The following CUX2 variants were observed in gnomAD, a reference collection of about 807,000 sequenced individuals.
CUX2 encodes homeobox protein cut-like 2.
Under a neutral mutation model 144.8 loss-of-function variants are expected in CUX2, and 40 were observed. The ratio of observed to expected loss-of-function variants is 0.28; its 90% confidence interval spans 0.21 to 0.36. CUX2 has a LOEUF of 0.36. Among genes scored for constraint, CUX2 ranks in the 10% least tolerant of loss-of-function variants. The probability of loss-of-function intolerance (pLI) is 1.00; values close to 1 mark genes in which losing one functional copy is unlikely to be tolerated. For missense variants in CUX2, 1,615 were observed against 1,994.0 expected (o/e 0.81, Z 3.62); for synonymous variants, 827 against 875.6 (o/e 0.94, Z 0.98).
intron 7 of CUX2, 100 bp from the exon 8 acceptor site, chr12:111,296,373 C>T: frequency 9.8e-7 from 1 of 1,020,482 alleles, no homozygotes; most frequent in Non-Finnish European, 1.5e-6. Flanking sequence ...TCTCATTCTG[C>T]CTGCTGGGCT....
intron 1 of CUX2, among the ~76,000 whole-genome samples, chr12:111,205,731 G>A (rs1880881342): frequency 6.6e-6 from 1 of 152,186 alleles, no homozygotes; most frequent in African/African-American, 2.4e-5. Context: ...AACGGAGGCT[G>A]AGTCACCTAT....
chr12:111,180,807 G>A (rs781460045), intron 1 of CUX2, among the ~76,000 whole-genome samples: 9 of 152,200 alleles, frequency 5.9e-5, no homozygotes, highest in Non-Finnish European at 1.0e-4. Flanking sequence ...TGAGAAGGCC[G>A]GTGGGCGAGG....
At chr12:111,056,433 A>G (rs1870531748) in intron 1 of CUX2, among the ~76,000 whole-genome samples, 1 of 152,198 alleles carries the variant, frequency 6.6e-6, no homozygotes. Flanking sequence ...ACATCTGGCA[A>G]TTGATGCTGG....
chr12:111,243,135 C>A (rs1278818644), intron 3 of CUX2, among the ~76,000 whole-genome samples: 1 of 152,028 alleles, frequency 6.6e-6, no homozygotes, highest in Non-Finnish European at 1.5e-5. Flanking sequence ...TTCTTTTACT[C>A]TTTATTATGG....
intron 1 of CUX2, among the ~76,000 whole-genome samples, chr12:111,193,467 G>T (rs545514917): frequency 6.6e-6 from 1 of 152,304 alleles, no homozygotes; most frequent in Admixed American, 6.5e-5. Flanking sequence ...ATAGCTGTTG[G>T]GGGGGAGAAA....
At chr12:111,075,250 G>A (rs1241389145) in intron 1 of CUX2, among the ~76,000 whole-genome samples, 2 of 152,206 alleles carry the variant, frequency 1.3e-5, no homozygotes, top group South Asian at 2.1e-4. Flanking sequence ...CCCTGTCTGC[G>A]CAGAGCCACC....
intron 4 of CUX2, 98 bp from the exon 5 acceptor site, chr12:111,291,320 C>A: frequency 7.0e-7 from 1 of 1,426,712 alleles, no homozygotes; most frequent in Non-Finnish European, 9.3e-7. Context: ...CGGGGTGACT[C>A]CGATGGCTCC....
rs372177896 is a variant in CUX2 at position 111,092,320 on chromosome 12, CAG to C, written c.63+58081_63+58082del. On this transcript the variant is annotated intron_variant, in intron 1 of 21. Transcript: ENST00000261726. ...TGAGACTTGAAGTCTTGGCTGCAAACAGGGGGCTGTGTGGTCAGGCAGGAGGA... is the reference window on the plus strand; with the variant it reads ...TGAGACTTGAAGTCTTGGCTGCAAACGGGGCTGTGTGGTCAGGCAGGAGGA... 6.0e-4 allele frequency among the ~76,000 whole-genome samples: 91 copies of C among 152,322 alleles called. 1 individual carries two copies. Among genetic ancestry groups the C allele is most frequent in the Admixed American group, 3.6e-3 (55 of 15,302 alleles).
chr12:111,315,793 G>A (rs1012062239), intron 16 of CUX2, among the ~76,000 whole-genome samples: 4 of 152,100 alleles, frequency 2.6e-5, no homozygotes, highest in African/African-American at 9.7e-5. Context: ...GCTGAGGCAG[G>A]AAGATCGCTT....
intron 1 of CUX2, among the ~76,000 whole-genome samples, chr12:111,071,377 C>T (rs1386919344): frequency 2.6e-5 from 4 of 152,160 alleles, no homozygotes; most frequent in Non-Finnish European, 5.9e-5. Context: ...TGATATACGA[C>T]TTGGAGCATC....
At position 111,304,110 on chromosome 12, in the gene CUX2, C is replaced by T. The variant is rs922453572; in HGVS notation, c.754-100C>T. Reference sequence around the variant, plus strand: ...CTAGGAAGGCAGGACCTGAGGCCCTCGGAGGTCTGCCTCCCCAACCCCTGC... The same window carrying T: ...CTAGGAAGGCAGGACCTGAGGCCCTTGGAGGTCTGCCTCCCCAACCCCTGC... On this transcript the variant is annotated intron_variant, in intron 9 of 21. Coordinates refer to ENST00000261726, the MANE Select transcript of CUX2 (RefSeq NM_015267.4). The surrounding 1 kb of genome is among the most constrained non-coding windows in gnomAD (Gnocchi z 4.7). The T allele has an allele frequency of 1.1e-6, 1 of 899,814 alleles. No homozygotes were observed. The highest frequency in any genetic ancestry group is 2.1e-5 in the Admixed American group (1 of 47,792). 55.7% of individuals were successfully genotyped at this position (899,814 alleles called of 1,614,324 possible).
intron 1 of CUX2, among the ~76,000 whole-genome samples, chr12:111,175,761 A>G (rs1878814305): frequency 6.6e-6 from 1 of 152,018 alleles, no homozygotes; most frequent in Non-Finnish European, 1.5e-5. Flanking sequence ...GTTAAAGTGT[A>G]TGTTCAAGAC....
chr12:111,131,489 C>A (rs965750330), intron 1 of CUX2, among the ~76,000 whole-genome samples: 3 of 152,144 alleles, frequency 2.0e-5, no homozygotes, highest in African/African-American at 7.2e-5. Context: ...CCCCCAAAGT[C>A]TTAACTCATT....
At chr12:111,245,064 T>C (rs1883213119) in intron 3 of CUX2, among the ~76,000 whole-genome samples, 1 of 152,166 alleles carries the variant, frequency 6.6e-6, no homozygotes, top group African/African-American at 2.4e-5. Flanking sequence ...GCCCCCCTAC[T>C]CTGAGAAATG....
intron 1 of CUX2, among the ~76,000 whole-genome samples, chr12:111,062,525 C>T (rs916168819): frequency 6.6e-6 from 1 of 152,192 alleles, no homozygotes; most frequent in Non-Finnish European, 1.5e-5. Flanking sequence ...AAGTATTTAT[C>T]TCAGCACCTA....
chr12:111,293,501 C>T lies in CUX2; in HGVS notation c.492C>T (p.Leu164=). ...AGPTLTEGSR[L]PGIPGKALLT... ...CCACGCTGACCGAGGGAAGCCGCCT[C>T]CCAGGCATTCCCGGGAAAGCCCTCC... The change falls in exon 6 of 22, where the codon CTC becomes CTT. Residue 164 remains leucine (L), a synonymous_variant. Transcript: ENST00000261726. The surrounding 1 kb of genome is among the most constrained non-coding windows in gnomAD (Gnocchi z 4.5). 1 of 1,606,838 alleles carries T rather than the reference C, an allele frequency of 6.2e-7. No individual in the cohort carries two copies. Among genetic ancestry groups the T allele is most frequent in the East Asian group, 2.2e-5 (1 of 44,694 alleles).
At chr12:111,148,832 A>T (rs1046848899) in intron 1 of CUX2, among the ~76,000 whole-genome samples, 1 of 152,206 alleles carries the variant, frequency 6.6e-6, no homozygotes, top group East Asian at 1.9e-4. Flanking sequence ...CCCCTTCTCT[A>T]AAAAAATTTT....
chr12:111,323,122 C>A (rs980689968), intron 18 of CUX2, among the ~76,000 whole-genome samples: 4 of 152,220 alleles, frequency 2.6e-5, no homozygotes, highest in Non-Finnish European at 1.5e-5. Flanking sequence ...CTCCCTGCCA[C>A]TGTGGGGACC....
intron 1 of CUX2, among the ~76,000 whole-genome samples, chr12:111,163,746 C>A (rs538779001): frequency 1.3e-5 from 2 of 152,324 alleles, no homozygotes; most frequent in African/African-American, 4.8e-5. Flanking sequence ...CCAAATAATA[C>A]AGGACTCTTC....
Sources: allele counts gnomAD v4.1 joint callset (sites outside exome capture counted in the v4.1 genomes callset), GRCh38; gene constraint gnomAD v4.1.1; non-coding constraint Gnocchi (gnomAD v3.1); transcripts MANE v1.5; gene names NCBI Gene and HGNC (gene_info 2026-07-23, HGNC 2026-07-21).